Variants in KDM4C observed in about 807,000 individuals in gnomAD.
The protein encoded by KDM4C is lysine-specific demethylase 4C.
KDM4C carries 81 observed loss-of-function variants against 129.3 expected under a neutral mutation model. That is an observed-to-expected ratio of 0.63 (90% CI 0.52 to 0.75). The LOEUF (loss-of-function observed/expected upper bound fraction) is 0.75. Ranked by LOEUF, KDM4C falls within the 30% of genes least tolerant of loss-of-function variation. The probability of loss-of-function intolerance (pLI) is 0.00; values close to 1 mark genes in which losing one functional copy is unlikely to be tolerated. For synonymous variants in KDM4C, 573 were observed against 456.1 expected (o/e 1.26, Z -3.26); for missense variants, 1,457 against 1,304.0 (o/e 1.12, Z -1.81).
chr9:7,111,379 C>T (rs1188201782), intron 18 of KDM4C, among the ~76,000 whole-genome samples: 1 of 152,182 alleles, frequency 6.6e-6, no homozygotes, highest in Non-Finnish European at 1.5e-5. Flanking sequence ...ATAATGCAGA[C>T]ACTCTGAAAT....
chr9:7,005,893 G>A (rs749390822), intron 12 of KDM4C, among the ~76,000 whole-genome samples: 11 of 150,808 alleles, frequency 7.3e-5, no homozygotes, highest in Non-Finnish European at 1.6e-4. Flanking sequence ...TATTCTGATA[G>A]GTTGGAGCAG....
At chr9:6,882,659 T>A (rs549829495) in intron 6 of KDM4C, among the ~76,000 whole-genome samples, 7 of 152,316 alleles carry the variant, frequency 4.6e-5, no homozygotes, top group African/African-American at 1.7e-4. Flanking sequence ...GATCCTTATA[T>A]TTACTTGAAA....
intron 4 of KDM4C, among the ~76,000 whole-genome samples, chr9:6,841,747 A>G (rs1283986211): frequency 6.6e-6 from 1 of 152,206 alleles, no homozygotes; most frequent in Non-Finnish European, 1.5e-5. Flanking sequence ...CACTTGGTGG[A>G]CAAAGCAGAA....
intron 17 of KDM4C, among the ~76,000 whole-genome samples, chr9:7,079,753 G>C (rs1048347537): frequency 6.6e-6 from 1 of 152,176 alleles, no homozygotes; most frequent in South Asian, 2.1e-4. Flanking sequence ...TTCCTAAACT[G>C]GGATCCGTGT....
At position 6,757,998 on chromosome 9, in the gene KDM4C, C is replaced by G. The variant is rs117810624; in HGVS notation, c.-223C>G. The G allele has an allele frequency of 0.034, 33,813 of 985,396 alleles. 661 individuals are homozygous for G. The highest frequency in any genetic ancestry group is 0.045 in the Middle Eastern group (86 of 1,912). 61.0% of individuals were successfully genotyped at this position (985,396 alleles called of 1,614,324 possible). A position where few individuals can be genotyped will look rare whatever the true frequency, so the allele number is the denominator to read the frequency against. The stretch of plus-strand genomic sequence containing the variant: ...AGAGCCGGCGGTGCGCGCGCCTTCG[C>G]CGCTGCCTCCCACCCACCCCCTCGA... On this transcript the variant is annotated 5_prime_UTR_variant, in exon 1 of 22. Coordinates refer to ENST00000381309, the MANE Select transcript of KDM4C (RefSeq NM_015061.6).
At chr9:7,004,900 T>A (rs1031775619) in intron 12 of KDM4C, among the ~76,000 whole-genome samples, 3 of 152,236 alleles carry the variant, frequency 2.0e-5, no homozygotes, top group African/African-American at 7.2e-5. Flanking sequence ...CTGCAGACCC[T>A]GACCCAATGA....
intron 12 of KDM4C, among the ~76,000 whole-genome samples, chr9:7,001,646 T>A (rs1286325323): frequency 1.3e-5 from 2 of 152,232 alleles, no homozygotes; most frequent in Admixed American, 1.3e-4. Flanking sequence ...TTTTGTGTGA[T>A]CTGCCACGTG....
chr9:7,103,054 C>A (rs1837281286), intron 17 of KDM4C, among the ~76,000 whole-genome samples: 1 of 152,200 alleles, frequency 6.6e-6, no homozygotes, highest in Admixed American at 6.5e-5. Flanking sequence ...AGATATTCAA[C>A]CAAATTATGC....
intron 4 of KDM4C, among the ~76,000 whole-genome samples, chr9:6,824,413 G>A (rs1457735566): frequency 3.9e-5 from 6 of 152,084 alleles, no homozygotes; most frequent in African/African-American, 9.7e-5. Flanking sequence ...GGAGGGCTTC[G>A]GATGAGAAGG....
chr9:6,793,216 T>G, intron 2 of KDM4C, 84 bp downstream of exon 2: 1 of 1,465,474 alleles, frequency 6.8e-7, no homozygotes, highest in East Asian at 2.3e-5. Flanking sequence ...TGGGACATTG[T>G]TTCTGAAGGA....
intron 8 of KDM4C, among the ~76,000 whole-genome samples, chr9:6,929,572 G>A (rs1235064561): frequency 6.6e-6 from 1 of 151,322 alleles, no homozygotes; most frequent in East Asian, 1.9e-4. Flanking sequence ...GGTTGGTTAG[G>A]TAAGTGCTAC....
At chr9:7,086,559 A>G (rs909984352) in intron 17 of KDM4C, among the ~76,000 whole-genome samples, 1 of 152,024 alleles carries the variant, frequency 6.6e-6, no homozygotes, top group Admixed American at 6.5e-5. Flanking sequence ...TCCTCCTACC[A>G]CACTGCCCTT....
rs73403349 is a variant in KDM4C, at chr9:7,128,278, A to T, written c.2781+42A>T. The T allele has an allele frequency of 2.1e-3, 2,328 of 1,123,380 alleles. 23 individuals are homozygous for T. The African/African-American group carries it at 0.032, about 15-fold the overall frequency. 69.6% of individuals were successfully genotyped at this position (1,123,380 alleles called of 1,614,324 possible). A position where few individuals can be genotyped will look rare whatever the true frequency, so the allele number is the denominator to read the frequency against. On this transcript the variant is annotated intron_variant, in intron 19 of 21. Transcript: ENST00000381309. ...GAGTGCCTGCTACCCAGAGTAATTT[A>T]AAAAAAAAAACCAAAGTAACTGAGC...
At chr9:6,852,657 C>G (rs1217061046) in intron 5 of KDM4C, among the ~76,000 whole-genome samples, 1 of 152,156 alleles carries the variant, frequency 6.6e-6, no homozygotes, top group Non-Finnish European at 1.5e-5. Flanking sequence ...CTCTCCTGTG[C>G]TTGACATATC....
intron 15 of KDM4C, among the ~76,000 whole-genome samples, chr9:7,033,282 G>A (rs1243874284): frequency 6.6e-6 from 1 of 152,140 alleles, no homozygotes; most frequent in Non-Finnish European, 1.5e-5. Flanking sequence ...TCAAAGGCAG[G>A]ACATTCACCA....
chr9:6,834,224 C>T (rs1239761236), intron 4 of KDM4C, among the ~76,000 whole-genome samples: 1 of 151,892 alleles, frequency 6.6e-6, no homozygotes, highest in Admixed American at 6.6e-5. Flanking sequence ...TTAGTAGAGG[C>T]AGGGTTTTGC....
intron 17 of KDM4C, among the ~76,000 whole-genome samples, chr9:7,074,825 A>G (rs928292941): frequency 6.6e-6 from 1 of 152,138 alleles, no homozygotes; most frequent in South Asian, 2.1e-4. Context: ...TCCAGCATGG[A>G]CATGCTGATA....
intron 5 of KDM4C, among the ~76,000 whole-genome samples, chr9:6,859,851 C>T (rs554427933): frequency 7.9e-5 from 11 of 139,758 alleles, no homozygotes; most frequent in African/African-American, 1.9e-4. Context: ...GGCGACACAG[C>T]GAGACTCCGT....
rs113375975 is a variant in KDM4C at position 6,784,573 on chromosome 9, C to T, written c.-17-8399C>T. Among the ~76,000 whole-genome samples, 3 of 152,260 alleles carry T rather than the reference C, an allele frequency of 2.0e-5. No homozygotes were observed. The East Asian group carries it at 5.8e-4, about 29-fold the overall frequency. On this transcript the variant is annotated intron_variant, in intron 1 of 21. Coordinates refer to ENST00000381309, the MANE Select transcript of KDM4C (RefSeq NM_015061.6). ...GCAAAAGAAAAGAGGAAAAAAAAATCCTTTTGGTCTAGGATCCAAGGCACT... is the reference window on the plus strand; with the variant it reads ...GCAAAAGAAAAGAGGAAAAAAAAATTCTTTTGGTCTAGGATCCAAGGCACT...
Sources: gnomAD v4.1 joint callset for allele counts (sites outside exome capture counted in the v4.1 genomes callset) on GRCh38, gnomAD v4.1.1 for gene constraint, MANE v1.5 for transcripts, NCBI Gene and HGNC (gene_info 2026-07-23, HGNC 2026-07-21) for gene names.